The following PDE4D variants were observed in gnomAD, a reference collection of about 807,000 sequenced individuals.
The protein encoded by PDE4D is 3',5'-cyclic-AMP phosphodiesterase 4D.
Under a neutral mutation model 87.4 loss-of-function variants are expected in PDE4D, and 24 were observed. The observed-to-expected ratio is 0.27, with a 90% CI of 0.20 to 0.39. The LOEUF is 0.39. Among genes scored for constraint, PDE4D ranks in the 10% least tolerant of loss-of-function variants. The probability of loss-of-function intolerance (pLI) is 1.00; values close to 1 mark genes in which losing one functional copy is unlikely to be tolerated. For synonymous variants in PDE4D, 384 were observed against 383.2 expected (o/e 1.00, Z -0.02); for missense variants, 714 against 1,041.0 (o/e 0.69, Z 4.32).
At chr5:60,375,912 G>A (rs372622315) in intron 1 of PDE4D, among the ~76,000 whole-genome samples, 34 of 152,188 alleles carry the variant, frequency 2.2e-4, no homozygotes, top group African/African-American at 5.5e-4. Flanking sequence ...GGTGGTACGC[G>A]CCTGTAGTCC....
intron 1 of PDE4D, among the ~76,000 whole-genome samples, chr5:59,631,850 T>G (rs927943276): frequency 2.3e-4 from 24 of 102,674 alleles, no homozygotes; most frequent in South Asian, 1.4e-3. Context: ...CTAGCTGCAG[T>G]TTTTTTTTCA....
intron 1 of PDE4D, among the ~76,000 whole-genome samples, chr5:59,800,102 T>A (rs1488081374): frequency 6.6e-6 from 1 of 151,740 alleles, no homozygotes; most frequent in Non-Finnish European, 1.5e-5. Flanking sequence ...TGAAGGGAGG[T>A]CTAGTCATTA....
At chr5:59,793,837 C>T (rs567094077) in intron 1 of PDE4D, among the ~76,000 whole-genome samples, 13 of 152,150 alleles carry the variant, frequency 8.5e-5, no homozygotes, top group African/African-American at 2.7e-4. Context: ...TAGATTAAGC[C>T]GTGGTGACAG....
chr5:59,873,260 T>C (rs1473360998), intron 1 of PDE4D, among the ~76,000 whole-genome samples: 1 of 152,184 alleles, frequency 6.6e-6, no homozygotes, highest in East Asian at 1.9e-4. Context: ...TGACACAGAT[T>C]TTTAAGGGAT....
intron 1 of PDE4D, among the ~76,000 whole-genome samples, chr5:59,580,479 T>C (rs1823911678): frequency 6.6e-6 from 1 of 152,170 alleles, no homozygotes; most frequent in African/African-American, 2.4e-5. Context: ...CTTCTTTTAT[T>C]TTTTTGAGAC....
intron 1 of PDE4D, among the ~76,000 whole-genome samples, chr5:59,299,112 T>C (rs1561908412): frequency 6.6e-6 from 1 of 152,222 alleles, no homozygotes; most frequent in Non-Finnish European, 1.5e-5. Flanking sequence ...AGCTTATTAT[T>C]ACAAAGACCA....
intron 1 of PDE4D, among the ~76,000 whole-genome samples, chr5:60,385,530 G>A (rs1405265441): frequency 6.6e-6 from 1 of 152,188 alleles, no homozygotes; most frequent in Non-Finnish European, 1.5e-5. Context: ...AAGGGAATAT[G>A]AGAGGGGCAC....
At chr5:59,044,854 AACT>A (rs1760351397) in intron 5 of PDE4D, among the ~76,000 whole-genome samples, 1 of 152,200 alleles carries the variant, frequency 6.6e-6, no homozygotes, top group African/African-American at 2.4e-5. Context: ...TCTTCTCACT[AACT>A]ACAATTGTTT....
chr5:58,976,816 GAA>G (rs1002095642), intron 12 of PDE4D, among the ~76,000 whole-genome samples: 1 of 152,106 alleles, frequency 6.6e-6, no homozygotes, highest in Admixed American at 6.5e-5. Context: ...AAGATGCATA[GAA>G]AAAAGAGTAA....
intron 3 of PDE4D, among the ~76,000 whole-genome samples, chr5:59,920,285 A>G (rs1468344674): frequency 6.6e-6 from 1 of 152,240 alleles, no homozygotes; most frequent in East Asian, 1.9e-4. Context: ...TAAATAACTT[A>G]TAATTCTTAT....
chr5:59,041,958 C>T (rs1759758663), intron 5 of PDE4D, among the ~76,000 whole-genome samples: 1 of 152,102 alleles, frequency 6.6e-6, no homozygotes, highest in South Asian at 2.1e-4. Flanking sequence ...TCAGAATATC[C>T]ATTTTATGTC....
chr5:60,042,915 G>A (rs1406885919), intron 2 of PDE4D, among the ~76,000 whole-genome samples: 2 of 152,200 alleles, frequency 1.3e-5, no homozygotes, highest in South Asian at 4.1e-4. Flanking sequence ...CTCCTCACCA[G>A]CAAGGGAACA....
chr5:59,927,446 T>C (rs931520931), intron 3 of PDE4D, among the ~76,000 whole-genome samples: 1 of 152,210 alleles, frequency 6.6e-6, no homozygotes, highest in African/African-American at 2.4e-5. Context: ...AGTTTGAAAA[T>C]ACCCATGTGG....
chr5:59,507,664 CAA>C (rs1284106865), intron 1 of PDE4D, among the ~76,000 whole-genome samples: 2 of 79,830 alleles, frequency 2.5e-5, no homozygotes, highest in Non-Finnish European at 2.4e-5. Flanking sequence ...TACCCTGTCT[CAA>C]AAAAAAAAAA....
chr5:59,193,655 A>ATCCTTATACTTCAGCACATGTTCT, intron 2 of PDE4D, 119 bp from the exon 3 acceptor site: 1 of 1,502,858 alleles, frequency 6.7e-7, no homozygotes, highest in Non-Finnish European at 8.8e-7. Flanking sequence ...CAGTGATTCC[A>ATCCTTATACTTCAGCACATGTTCT]TCCTTATACT....
chr5:60,184,937 T>C (rs1482883371), intron 2 of PDE4D, among the ~76,000 whole-genome samples: 3 of 152,192 alleles, frequency 2.0e-5, no homozygotes, highest in Non-Finnish European at 4.4e-5. Flanking sequence ...TGTGGCTTTC[T>C]TTGAGTTGCT....
intron 1 of PDE4D, among the ~76,000 whole-genome samples, chr5:59,694,331 G>A (rs1049751774): frequency 3.9e-5 from 6 of 152,170 alleles, no homozygotes; most frequent in Non-Finnish European, 7.3e-5. Flanking sequence ...AGATGGTTAG[G>A]TCAGCTTGAA....
At chr5:59,347,343 G>T (rs1262056429) in intron 1 of PDE4D, among the ~76,000 whole-genome samples, 1 of 152,084 alleles carries the variant, frequency 6.6e-6, no homozygotes, top group East Asian at 1.9e-4. Context: ...GCCAAAAAGG[G>T]ATCAAGTGAC....
At chr5:59,661,425 G>A (rs961868497) in intron 1 of PDE4D, among the ~76,000 whole-genome samples, 15 of 152,098 alleles carry the variant, frequency 9.9e-5, no homozygotes, top group African/African-American at 3.6e-4. Context: ...GATAAAGTCA[G>A]CAGCATGTTG....
Sources: allele counts gnomAD v4.1 joint callset (sites outside exome capture counted in the v4.1 genomes callset), GRCh38; gene constraint gnomAD v4.1.1; transcripts MANE v1.5; gene names NCBI Gene and HGNC (gene_info 2026-07-23, HGNC 2026-07-21).